Variants in CACNA1C observed in about 807,000 individuals in gnomAD.
CACNA1C encodes the protein voltage-dependent L-type calcium channel subunit alpha-1C.
A neutral mutation model predicts 229.0 loss-of-function variants in CACNA1C; 30 were observed. That is an observed-to-expected ratio of 0.13 (90% CI 0.10 to 0.18). CACNA1C has a LOEUF of 0.18. Ranked by LOEUF, CACNA1C falls within the 10% of genes least tolerant of loss-of-function variation. The pLI is 1.00. For synonymous variants in CACNA1C, 1,114 were observed against 1,132.5 expected (o/e 0.98, Z 0.33); for missense variants, 1,658 against 2,845.0 (o/e 0.58, Z 9.49).
chr12:2,670,919 G>A (rs527534244), intron 38 of CACNA1C, among the ~76,000 whole-genome samples: 3 of 149,988 alleles, frequency 2.0e-5, no homozygotes, highest in Non-Finnish European at 3.0e-5. Context: ...AAAAAAAAGA[G>A]CAAAGGCTTA....
At chr12:2,480,220 C>G (rs2099669090) in intron 5 of CACNA1C, among the ~76,000 whole-genome samples, 3 of 152,114 alleles carry the variant, frequency 2.0e-5, no homozygotes, top group Admixed American at 2.0e-4. Context: ...ACGGAGAGCC[C>G]TGGGTGTCCT....
chr12:2,034,218 C>T lies in CACNA1C; in HGVS notation c.139+63017C>T, dbSNP rs562643731. On this transcript the variant is annotated intron_variant, in intron 1 of 46. Transcript: ENST00000682462. This position sits in a 1 kb window ranked among gnomAD's most constrained non-coding sequence, Gnocchi z 4.1. ...CGGTTCAGTGACTCGCCCAAACTCA[C>T]ATGCTTAGTGTGGGAAAGTTAAGAT... 2.0e-5 allele frequency among the ~76,000 whole-genome samples: 3 copies of T among 152,222 alleles called. No homozygotes were observed. The highest frequency in any genetic ancestry group is 4.4e-5 in the Non-Finnish European group (3 of 68,040).
At position 2,471,238 on chromosome 12, in the gene CACNA1C, T is replaced by G. The variant is rs2099590360; in HGVS notation, c.757+13532T>G. On this transcript the variant is annotated intron_variant, in intron 5 of 46. Coordinates refer to ENST00000399655, the MANE Select transcript of CACNA1C (RefSeq NM_000719.7). ...GTAATAACCTTAAAATCATAGAATT[T>G]CACTTACCCAACCCCTTGTCCTGTG... is the stretch of plus-strand genomic sequence containing the variant. Among the ~76,000 whole-genome samples the G allele has an allele frequency of 2.6e-5, 4 of 152,380 alleles. No homozygotes were observed. In the South Asian group the frequency reaches 8.3e-4, roughly 32 times the overall value.
chr12:2,242,131 C>T (rs1245729103), intron 3 of CACNA1C, among the ~76,000 whole-genome samples: 1 of 152,212 alleles, frequency 6.6e-6, no homozygotes, highest in Non-Finnish European at 1.5e-5. Flanking sequence ...CCTCCACGCT[C>T]AGTTTTCCCA....
intron 1 of CACNA1C, among the ~76,000 whole-genome samples, chr12:2,093,334 C>T (rs1262421277): frequency 1.3e-5 from 2 of 152,186 alleles, no homozygotes; most frequent in Non-Finnish European, 2.9e-5. Flanking sequence ...TAGGCCTGCA[C>T]CCTGATGCTT....
At chr12:2,153,942 C>T (rs2095422307) in intron 3 of CACNA1C, among the ~76,000 whole-genome samples, 1 of 152,236 alleles carries the variant, frequency 6.6e-6, no homozygotes. Flanking sequence ...TTCACCCGTC[C>T]TTGGACATTT....
intron 3 of CACNA1C, among the ~76,000 whole-genome samples, chr12:2,332,205 G>A (rs911379365): frequency 6.6e-6 from 1 of 152,198 alleles, no homozygotes; most frequent in African/African-American, 2.4e-5. Context: ...TGTTACATAT[G>A]TATATTTCTG....
intron 11 of CACNA1C, among the ~76,000 whole-genome samples, chr12:2,565,477 A>G (rs1161748040): frequency 1.8e-3 from 2 of 1,126 alleles, no homozygotes; most frequent in Non-Finnish European, 6.9e-3. Context: ...CCGTCTCAGA[A>G]AAAAAAAAAA....
intron 1 of CACNA1C, among the ~76,000 whole-genome samples, chr12:2,041,599 G>A (rs1019730111): frequency 3.9e-5 from 6 of 152,070 alleles, no homozygotes; most frequent in African/African-American, 9.7e-5. Context: ...CTTGATATCC[G>A]CTGGGATAAT....
At chr12:2,590,262 T>C (rs1568620720) in intron 18 of CACNA1C, among the ~76,000 whole-genome samples, 1 of 152,118 alleles carries the variant, frequency 6.6e-6, no homozygotes, top group Non-Finnish European at 1.5e-5. Context: ...GGGCTTTGAG[T>C]GCTACCCTGG....
intron 9 of CACNA1C, among the ~76,000 whole-genome samples, chr12:2,547,947 C>T (rs2099884792): frequency 1.3e-5 from 2 of 152,196 alleles, no homozygotes; most frequent in South Asian, 2.1e-4. Flanking sequence ...ACCTCCACAG[C>T]ACTGTACTCA....
chr12:1,978,860 A>G (rs907590610), intron 1 of CACNA1C, among the ~76,000 whole-genome samples: 14 of 152,236 alleles, frequency 9.2e-5, no homozygotes, highest in African/African-American at 3.4e-4. Context: ...TGTTGAATAT[A>G]TCAGTAGTTC....
At chr12:2,058,746 T>C (rs2056272957) in intron 1 of CACNA1C, among the ~76,000 whole-genome samples, 1 of 152,248 alleles carries the variant, frequency 6.6e-6, no homozygotes, top group South Asian at 2.1e-4. Flanking sequence ...TGGAATGGAA[T>C]GTTTTTCGGT....
At chr12:2,326,144 G>T (rs1014101329) in intron 3 of CACNA1C, among the ~76,000 whole-genome samples, 4 of 152,126 alleles carry the variant, frequency 2.6e-5, no homozygotes, top group African/African-American at 9.7e-5. Flanking sequence ...GACTAAAGGA[G>T]GCAGGGAGAG....
At chr12:2,137,643 C>T (rs1434486130) in intron 3 of CACNA1C, among the ~76,000 whole-genome samples, 1 of 150,830 alleles carries the variant, frequency 6.6e-6, no homozygotes, top group Non-Finnish European at 1.5e-5. Context: ...ATCATTATTA[C>T]TGTTATGATT....
At chr12:2,148,042 T>C (rs185347483) in intron 3 of CACNA1C, among the ~76,000 whole-genome samples, 5 of 151,384 alleles carry the variant, frequency 3.3e-5, no homozygotes, top group South Asian at 2.1e-4. Flanking sequence ...TGCACACTTA[T>C]ATAAAACCTG....
chr12:2,206,683 C>T (rs538554955), intron 3 of CACNA1C, among the ~76,000 whole-genome samples: 10 of 152,204 alleles, frequency 6.6e-5, no homozygotes, highest in Non-Finnish European at 1.5e-4. Context: ...TTCTCTTGCT[C>T]TCCAATCTAG....
chr12:2,115,156 C>T, intron 1 of CACNA1C, 68 bp from the exon 2 acceptor site: 2 of 1,236,154 alleles, frequency 1.6e-6, no homozygotes, highest in Non-Finnish European at 2.2e-6. Context: ...ATCTGGGGTC[C>T]AGAGAGTGTC....
In CACNA1C at chr12:2,397,485, C is replaced by T. The variant is rs373889800; in HGVS notation, c.478-51491C>T. ...AAGTCAGGTAAGCAGCAGCAACACA[C>T]GTGCCGCGGAGGCGGCACCTACATT... is the stretch of plus-strand genomic sequence containing the variant. On this transcript the variant is annotated intron_variant, in intron 3 of 46. Coordinates refer to ENST00000399655, the MANE Select transcript of CACNA1C (RefSeq NM_000719.7). Among the ~76,000 whole-genome samples, 28 of 152,332 alleles carry T rather than the reference C, an allele frequency of 1.8e-4. No homozygotes were observed. In the East Asian group the frequency reaches 2.3e-3, roughly 13 times the overall value.
Sources: allele counts gnomAD v4.1 joint callset (sites outside exome capture counted in the v4.1 genomes callset), GRCh38; gene constraint gnomAD v4.1.1; non-coding constraint Gnocchi (gnomAD v3.1); transcripts MANE v1.5; gene names NCBI Gene and HGNC (gene_info 2026-07-23, HGNC 2026-07-21).